SLC12A8: variants seen among roughly 807,000 people sequenced by gnomAD.
SLC12A8 encodes cation-chloride cotransporter 9.
SLC12A8 carries 69 observed loss-of-function variants against 75.6 expected under a neutral mutation model. That is an observed-to-expected ratio of 0.91 (90% CI 0.75 to 1.11). The LOEUF (loss-of-function observed/expected upper bound fraction) is 1.11. Ranked by LOEUF, SLC12A8 falls within the 50% of genes most tolerant of loss-of-function variation. SLC12A8 has a pLI of 0.00. For missense variants in SLC12A8, 877 were observed against 896.7 expected, an observed-to-expected ratio of 0.98 and a Z score of 0.28; for synonymous variants, 365 against 372.8, an observed-to-expected ratio of 0.98 and a Z score of 0.24.
intron 6 of SLC12A8, among the ~76,000 whole-genome samples, chr3:125,125,003 T>TA (rs1179710071): frequency 2.0e-5 from 3 of 152,180 alleles, no homozygotes; most frequent in African/African-American, 7.2e-5. Context: ...AAACCTTAAT[T>TA]AGAGAGGTTT....
chr3:125,132,610 AGGGGTAGGTGAGATGG>A (rs1933388995), intron 6 of SLC12A8, among the ~76,000 whole-genome samples: 1 of 152,156 alleles, frequency 6.6e-6, no homozygotes, highest in South Asian at 2.1e-4. Flanking sequence ...GGACAAGTTG[AGGGGTAGGTGAGATGG>A]GTTTGGTTCA....
intron 5 of SLC12A8, among the ~76,000 whole-genome samples, chr3:125,160,023 C>T (rs1301734674): frequency 6.6e-6 from 1 of 152,198 alleles, no homozygotes; most frequent in Non-Finnish European, 1.5e-5. Context: ...CTCACTGTGA[C>T]CTCGAACTCT....
intron 5 of SLC12A8, among the ~76,000 whole-genome samples, chr3:125,148,591 G>A (rs1234998851): frequency 6.6e-6 from 1 of 152,012 alleles, no homozygotes; most frequent in Non-Finnish European, 1.5e-5. Context: ...CCAGCCTCAG[G>A]AGGCGGCACT....
At chr3:125,132,279 G>A (rs549064404) in intron 6 of SLC12A8, among the ~76,000 whole-genome samples, 13 of 152,266 alleles carry the variant, frequency 8.5e-5, no homozygotes, top group South Asian at 2.1e-4. Flanking sequence ...TGAAAGCGAC[G>A]CACTATTTCT....
chr3:125,173,420 A>C (rs1383273923), intron 5 of SLC12A8, among the ~76,000 whole-genome samples: 5 of 142,774 alleles, frequency 3.5e-5, no homozygotes, highest in African/African-American at 1.3e-4. Context: ...CTTTTCAACA[A>C]CTGGTGCTGG....
chr3:125,093,854 TTTCACACCCTACCC>T (rs781006988), intron 10 of SLC12A8, among the ~76,000 whole-genome samples: 5 of 152,136 alleles, frequency 3.3e-5, no homozygotes, highest in Non-Finnish European at 7.3e-5. Flanking sequence ...CATCAGACTA[TTTCACACCCTACCC>T]TTCATCATTA....
At chr3:125,148,133 A>G (rs1296600357) in intron 5 of SLC12A8, among the ~76,000 whole-genome samples, 1 of 152,218 alleles carries the variant, frequency 6.6e-6, no homozygotes, top group Non-Finnish European at 1.5e-5. Flanking sequence ...CTCCAAAGCC[A>G]TGTCTCTGAC....
intron 1 of SLC12A8, 90 bp downstream of exon 1, chr3:125,212,610 T>G (rs1479384366): frequency 6.6e-6 from 1 of 152,236 alleles, no homozygotes; most frequent in Non-Finnish European, 1.5e-5. Context: ...GGGGCAAAGG[T>G]GACCCCAGGC....
At position 125,145,897 on chromosome 3, in the gene SLC12A8, G is replaced by A. The variant is rs376282312; in HGVS notation, c.623-10115C>T. On this transcript the variant is annotated intron_variant, in intron 5 of 13. Transcript: ENST00000469902. ...ATCTGGAGTGCAGTGGCACGATCAC[G>A]GCTCACTGCAGCCTCCACCTCCCAC... 5.3e-5 allele frequency among the ~76,000 whole-genome samples: 8 copies of A among 152,208 alleles called. 1 individual carries two copies. The highest frequency in any genetic ancestry group is 2.1e-4 in the South Asian group (1 of 4,820).
intron 2 of SLC12A8, among the ~76,000 whole-genome samples, chr3:125,194,306 C>T (rs1934964677): frequency 6.6e-6 from 1 of 152,242 alleles, no homozygotes; most frequent in African/African-American, 2.4e-5. Flanking sequence ...AGAAGCCAGA[C>T]TCCTGTCCCT....
At chr3:125,202,918 T>C (rs1175176172) in intron 2 of SLC12A8, among the ~76,000 whole-genome samples, 1 of 151,656 alleles carries the variant, frequency 6.6e-6, no homozygotes, top group African/African-American at 2.4e-5. Flanking sequence ...TGAAACCCCG[T>C]CTCTACTAAA....
At position 125,190,442 on chromosome 3, in the gene SLC12A8, C is replaced by G; in HGVS notation, c.131G>C (p.Gly44Ala). Residue 44 changes from glycine to alanine, a missense_variant, in exon 3 of 14, where the codon GGT becomes GCT. Gly to Ala is a moderately conservative substitution (Grantham distance 60). Transcript: ENST00000469902. ...WEPVLFGTWD[G>A]VFTSCMINIF... ...GTTGATCATGCAGGATGTGAACACA[C>G]CATCCCAGGTCCCAAACAGCACAGG... is the stretch of plus-strand genomic sequence containing the variant. 1 of 1,614,198 alleles carries G rather than the reference C, an allele frequency of 6.2e-7. No homozygotes were observed. Among genetic ancestry groups the G allele is most frequent in the Non-Finnish European group, 8.5e-7 (1 of 1,180,028 alleles).
At chr3:125,105,708 A>AATAAGGAGAAGTCAGAG (rs1939004470) in intron 10 of SLC12A8, among the ~76,000 whole-genome samples, 1 of 152,232 alleles carries the variant, frequency 6.6e-6, no homozygotes, top group Admixed American at 6.5e-5. Flanking sequence ...GGGGGCATTA[A>AATAAGGAGAAGTCAGAG]ATAAGGAGAA....
chr3:125,141,905 T>C (rs984177710), intron 5 of SLC12A8, among the ~76,000 whole-genome samples: 6 of 151,160 alleles, frequency 4.0e-5, no homozygotes, highest in African/African-American at 1.5e-4. Context: ...AGAGCGGCTC[T>C]GCGAGGAAAG....
chr3:125,199,702 C>T (rs543646949), intron 2 of SLC12A8, among the ~76,000 whole-genome samples: 40 of 151,816 alleles, frequency 2.6e-4, no homozygotes, highest in African/African-American at 8.5e-4. Flanking sequence ...ACTATGCTCA[C>T]GCCACTGCAC....
intron 5 of SLC12A8, among the ~76,000 whole-genome samples, chr3:125,176,135 CAG>C (rs1560076509): frequency 6.6e-6 from 1 of 152,184 alleles, no homozygotes; most frequent in Non-Finnish European, 1.5e-5. Flanking sequence ...AGGGGAAAAG[CAG>C]AGTTGCTGTC....
At chr3:125,100,709 A>T (rs978370363) in intron 10 of SLC12A8, among the ~76,000 whole-genome samples, 1 of 150,232 alleles carries the variant, frequency 6.7e-6, no homozygotes, top group African/African-American at 2.4e-5. Flanking sequence ...TGCCCAGCTT[A>T]ATGCTATCTT....
intron 1 of SLC12A8, among the ~76,000 whole-genome samples, 179 bp from the exon 2 acceptor site, chr3:125,211,573 C>A (rs1935337920): frequency 6.6e-6 from 1 of 152,014 alleles, no homozygotes; most frequent in South Asian, 2.1e-4. Context: ...CAGGTAGATC[C>A]CGCTGGTCCT....
At chr3:125,133,591 A>G (rs1441420676) in intron 6 of SLC12A8, among the ~76,000 whole-genome samples, 3 of 151,972 alleles carry the variant, frequency 2.0e-5, no homozygotes, top group South Asian at 4.2e-4. Context: ...ACGCCCAGCT[A>G]ATTTTTGTAT....
Sources: allele counts gnomAD v4.1 joint callset (sites outside exome capture counted in the v4.1 genomes callset), GRCh38; gene constraint gnomAD v4.1.1; transcripts MANE v1.5; gene names NCBI Gene and HGNC (gene_info 2026-07-23, HGNC 2026-07-21).